MALRD1: variants seen among roughly 807,000 people sequenced by gnomAD.
MALRD1 encodes the protein MAM and LDL receptor class A domain containing 1.
MALRD1 carries 247 observed loss-of-function variants against 242.1 expected under a neutral mutation model. The ratio of observed to expected loss-of-function variants is 1.02; its 90% CI spans 0.92 to 1.13. MALRD1 has a LOEUF of 1.13. MALRD1 is among the 50% of genes most tolerant of loss of function. The pLI, the probability that MALRD1 is intolerant of heterozygous loss-of-function variation, is 0.00. For synonymous variants in MALRD1, 995 were observed against 866.6 expected (o/e 1.15, Z -2.60); for missense variants, 2,989 against 2,533.1 (o/e 1.18, Z -3.86).
rs765509925 is a variant in MALRD1 at position 19,547,993 on chromosome 10, CTTTTTTT to C, written c.5478+16660_5478+16666del. Among the ~76,000 whole-genome samples, 4 of 65,764 alleles carry C rather than the reference CTTTTTTT, an allele frequency of 6.1e-5. No individual in the cohort carries two copies. In the East Asian group the frequency reaches 1.2e-3, roughly 20 times the overall value. 43.1% of individuals were successfully genotyped at this position (65,764 alleles called of 152,430 possible). On this transcript the variant is annotated intron_variant, in intron 32 of 39. Transcript: ENST00000454679. ...TTCAAGCTTTTCTCTTATCACTATA[CTTTTTTT>C]TTTTTTTTTTTTTTTTTGAGACAAA... is the stretch of plus-strand genomic sequence containing the variant.
chr10:19,099,104 G>A (rs900128590), intron 4 of MALRD1, among the ~76,000 whole-genome samples: 11 of 152,104 alleles, frequency 7.2e-5, no homozygotes, highest in Non-Finnish European at 1.6e-4. Context: ...AAGGGAAGAC[G>A]GAGCTTCTAT....
rs137881697 is a variant in MALRD1 at position 19,615,609 on chromosome 10, A to G, written c.6071-248A>G. On this transcript the variant is annotated intron_variant, in intron 35 of 39. Coordinates refer to ENST00000454679, the MANE Select transcript of MALRD1 (RefSeq NM_001142308.3). ...ATTAAACAAGTAAATAATTTTTTAA[A>G]AAGTCTTCTGTTTTTGCGGATTATT... Among the ~76,000 whole-genome samples the G allele has an allele frequency of 4.8e-3, 726 of 151,846 alleles. 2 individuals are homozygous for G. The highest frequency in any genetic ancestry group is 7.5e-3 in the Non-Finnish European group (507 of 67,934).
chr10:19,150,577 G>A (rs1215706042), intron 11 of MALRD1, among the ~76,000 whole-genome samples: 2 of 152,126 alleles, frequency 1.3e-5, no homozygotes, highest in Non-Finnish European at 2.9e-5. Flanking sequence ...CAGGCACCTG[G>A]AAACTCTGTC....
At chr10:19,216,119 C>CA (rs1554812816) in intron 18 of MALRD1, among the ~76,000 whole-genome samples, 1 of 122,814 alleles carries the variant, frequency 8.1e-6, no homozygotes, top group Non-Finnish European at 1.6e-5. Context: ...TTCTTTCTTT[C>CA]TTTTTTTTTT....
At chr10:19,282,088 A>G (rs1840842440) in intron 20 of MALRD1, among the ~76,000 whole-genome samples, 1 of 151,312 alleles carries the variant, frequency 6.6e-6, no homozygotes. Context: ...CCTAGAACCT[A>G]TTCATCTTGC....
intron 36 of MALRD1, among the ~76,000 whole-genome samples, chr10:19,663,376 G>A (rs1212099439): frequency 4.6e-5 from 7 of 152,088 alleles, no homozygotes; most frequent in African/African-American, 1.4e-4. Flanking sequence ...TTATGGATGA[G>A]TAGTATTCCA....
At chr10:19,614,964 A>G (rs985487194) in intron 35 of MALRD1, among the ~76,000 whole-genome samples, 2 of 152,228 alleles carry the variant, frequency 1.3e-5, no homozygotes, top group Non-Finnish European at 1.5e-5. Flanking sequence ...TGTCATGCAG[A>G]CACATTCTAA....
chr10:19,502,069 A>T (rs1318252252), intron 31 of MALRD1, among the ~76,000 whole-genome samples: 1 of 151,860 alleles, frequency 6.6e-6, no homozygotes, highest in Non-Finnish European at 1.5e-5. Context: ...AAGTAACAGG[A>T]ACTGTACCTG....
chr10:19,109,934 A>T (rs1305918873), intron 5 of MALRD1, among the ~76,000 whole-genome samples: 2 of 152,166 alleles, frequency 1.3e-5, no homozygotes, highest in African/African-American at 2.4e-5. Context: ...TTGATGGGGG[A>T]TGCTGGGGGC....
chr10:19,564,570 C>T (rs1211052290), intron 32 of MALRD1, among the ~76,000 whole-genome samples: 1 of 151,892 alleles, frequency 6.6e-6, no homozygotes, highest in East Asian at 1.9e-4. Flanking sequence ...ATTACTGGGT[C>T]TGTGTTTGAC....
chr10:19,226,710 A>C (rs1177462129), intron 18 of MALRD1, among the ~76,000 whole-genome samples: 4 of 151,950 alleles, frequency 2.6e-5, no homozygotes, highest in Non-Finnish European at 5.9e-5. Flanking sequence ...AATAAGTGAC[A>C]CCCAAGTTGG....
intron 4 of MALRD1, among the ~76,000 whole-genome samples, chr10:19,097,369 T>A (rs2131318787): frequency 6.6e-6 from 1 of 152,308 alleles, no homozygotes; most frequent in African/African-American, 2.4e-5. Flanking sequence ...TCTAGTTTGG[T>A]CAAATCTGAA....
rs1016388907 is a variant in MALRD1 at position 19,476,519 on chromosome 10, T to C, written c.5030-14998T>C. Among the ~76,000 whole-genome samples, 14 of 152,142 alleles carry C rather than the reference T, an allele frequency of 9.2e-5. No homozygotes were observed. The East Asian group carries it at 2.7e-3, about 30-fold the overall frequency. The stretch of plus-strand genomic sequence containing the variant: ...CAGGTTTCTGTGGTCCATAATCTAC[T>C]TCAGAGGTCTTTGTAGGCCTCTTCC... On this transcript the variant is annotated intron_variant, in intron 29 of 39. Transcript: ENST00000454679.
chr10:19,231,688 C>A (rs771949367), intron 18 of MALRD1, among the ~76,000 whole-genome samples: 4 of 152,142 alleles, frequency 2.6e-5, no homozygotes, highest in Non-Finnish European at 5.9e-5. Context: ...GACTGTGAGG[C>A]CTCCCCAGCC....
intron 21 of MALRD1, among the ~76,000 whole-genome samples, chr10:19,300,351 A>T (rs1419887806): frequency 6.6e-6 from 1 of 152,032 alleles, no homozygotes; most frequent in African/African-American, 2.4e-5. Context: ...TTTTCACAGA[A>T]TTCAAAAAAC....
chr10:19,250,273 A>G (rs1277136133), intron 18 of MALRD1, among the ~76,000 whole-genome samples: 1 of 152,034 alleles, frequency 6.6e-6, no homozygotes, highest in Non-Finnish European at 1.5e-5. Context: ...TTTAATCAAT[A>G]GCTCTGAACC....
rs150016167 is a variant in MALRD1, at chr10:19,227,179, A to G, written c.2991+17499A>G. ...ATTTTTTTTTTTAATGCGGAAGTCC[A>G]AGAATAGCCAGAGCATGTTTTAGAA... On this transcript the variant is annotated intron_variant, in intron 18 of 39. Coordinates refer to ENST00000454679, the MANE Select transcript of MALRD1 (RefSeq NM_001142308.3). Among the ~76,000 whole-genome samples the G allele has an allele frequency of 2.4e-3, 361 of 152,072 alleles. 4 individuals carry two copies. Among genetic ancestry groups the G allele is most frequent in the African/African-American group, 8.3e-3 (346 of 41,516 alleles).
At chr10:19,320,718 C>T (rs1842884782) in intron 21 of MALRD1, among the ~76,000 whole-genome samples, 1 of 152,144 alleles carries the variant, frequency 6.6e-6, no homozygotes, top group Non-Finnish European at 1.5e-5. Context: ...CCTATTTCTC[C>T]ACATCCTCTC....
chr10:19,655,380 T>A (rs774000204), intron 36 of MALRD1, among the ~76,000 whole-genome samples: 26 of 151,740 alleles, frequency 1.7e-4, no homozygotes, highest in Middle Eastern at 3.2e-3. Context: ...TTTCTCCATA[T>A]GATTTGGCCC....
Sources: allele counts gnomAD v4.1 joint callset (sites outside exome capture counted in the v4.1 genomes callset), GRCh38; gene constraint gnomAD v4.1.1; transcripts MANE v1.5; gene names NCBI Gene and HGNC (gene_info 2026-07-23, HGNC 2026-07-21).